The following ERBIN variants were observed in gnomAD, a reference collection of about 807,000 sequenced individuals.
ERBIN encodes densin-180-like protein.
A neutral mutation model predicts 158.4 loss-of-function variants in ERBIN; 60 were observed. The observed-to-expected ratio is 0.38, with a 90% CI of 0.31 to 0.47. ERBIN has a LOEUF of 0.47. ERBIN is among the 20% of genes least tolerant of loss of function. The probability of loss-of-function intolerance (pLI) is 0.99; values close to 1 mark genes in which losing one functional copy is unlikely to be tolerated. For synonymous variants in ERBIN, 594 were observed against 557.2 expected, an observed-to-expected ratio of 1.07 and a Z score of -0.93; for missense variants, 1,610 against 1,648.0, an observed-to-expected ratio of 0.98 and a Z score of 0.40.
chr5:65,970,474 A>G (rs368156897), intron 1 of ERBIN, among the ~76,000 whole-genome samples: 2 of 152,026 alleles, frequency 1.3e-5, no homozygotes, highest in East Asian at 1.9e-4. Flanking sequence ...ACTAACTACT[A>G]TTTTTCTGTA....
At chr5:65,945,505 T>C (rs1215625346) in intron 1 of ERBIN, among the ~76,000 whole-genome samples, 1 of 152,226 alleles carries the variant, frequency 6.6e-6, no homozygotes, top group Non-Finnish European at 1.5e-5. Context: ...TTTATGGTGC[T>C]GGTAATTTGT....
intron 1 of ERBIN, among the ~76,000 whole-genome samples, chr5:65,935,572 T>G (rs2150853558): frequency 6.6e-6 from 1 of 152,332 alleles, no homozygotes; most frequent in South Asian, 2.1e-4. Context: ...TACATTTATG[T>G]GAAATATTTC....
intron 21 of ERBIN, among the ~76,000 whole-genome samples, chr5:66,067,087 ATTTC>A (rs1455983309): frequency 2.0e-5 from 3 of 152,120 alleles, no homozygotes; most frequent in East Asian, 1.9e-4. Context: ...TGTATGAATG[ATTTC>A]TTTGTTTTTT....
At chr5:66,077,793 CA>C (rs35031081) in intron 25 of ERBIN, among the ~76,000 whole-genome samples, 31 of 124,458 alleles carry the variant, frequency 2.5e-4, no homozygotes, top group African/African-American at 1.1e-3. Flanking sequence ...CACACACACA[CA>C]TACACACACA....
intron 4 of ERBIN, among the ~76,000 whole-genome samples, chr5:66,008,748 T>A (rs560389001): frequency 6.6e-6 from 1 of 152,344 alleles, no homozygotes; most frequent in East Asian, 1.9e-4. Context: ...TTAGCTAAAT[T>A]TTAAAATGAA....
At chr5:65,956,371 G>A (rs865875987) in intron 1 of ERBIN, among the ~76,000 whole-genome samples, 1 of 139,912 alleles carries the variant, frequency 7.1e-6, no homozygotes, top group Admixed American at 7.3e-5. Flanking sequence ...TCTTTCAGGT[G>A]ATTTTTTTTT....
rs1759374647 is a variant in ERBIN at position 66,054,390 on chromosome 5, T to G, written c.3072T>G (p.His1024Gln). ...CAGAAAATCAAAGTTATGCTAAACA[T>G]TCTGCCAATATGAATTTCTCTAATC... is the stretch of plus-strand genomic sequence containing the variant. Reference protein sequence around the residue: ...ESTENQSYAKHSANMNFSNHN... With the variant: ...ESTENQSYAKQSANMNFSNHN... The change falls in exon 21 of 26, where the codon CAT becomes CAG. Residue 1024 changes from histidine (H) to glutamine (Q), a missense_variant. This residue lies in a region of ERBIN where 1,014 missense variants were observed against 936.1 expected (regional missense o/e 1.08). Coordinates refer to ENST00000284037, the MANE Select transcript of ERBIN (RefSeq NM_001253697.2). 6.2e-7 allele frequency: 1 copy of G among 1,614,070 alleles called. No homozygotes were observed.
chr5:66,061,443 A>G (rs1384474284), intron 21 of ERBIN, among the ~76,000 whole-genome samples: 3 of 152,042 alleles, frequency 2.0e-5, no homozygotes, highest in Non-Finnish European at 4.4e-5. Flanking sequence ...GTGTCCTTGC[A>G]TGTGAGATGG....
chr5:66,037,461 C>T (rs1344141165), intron 14 of ERBIN, among the ~76,000 whole-genome samples: 1 of 152,076 alleles, frequency 6.6e-6, no homozygotes, highest in East Asian at 1.9e-4. Context: ...GAAGCACTGT[C>T]TTTGGGAAGG....
intron 21 of ERBIN, among the ~76,000 whole-genome samples, chr5:66,058,854 G>A (rs1275443212): frequency 1.3e-4 from 20 of 150,698 alleles, no homozygotes; most frequent in Non-Finnish European, 2.4e-4. Flanking sequence ...GTAGATATGC[G>A]GCATTATTTC....
intron 4 of ERBIN, among the ~76,000 whole-genome samples, chr5:66,008,256 C>T (rs2151093723): frequency 6.6e-6 from 1 of 151,948 alleles, no homozygotes; most frequent in South Asian, 2.1e-4. Flanking sequence ...ATATAAAACC[C>T]CTAATATAAA....
rs1759322688 is a variant in ERBIN, at chr5:66,054,007, A to G, written c.2689A>G (p.Thr897Ala). The G allele has an allele frequency of 1.9e-6, 3 of 1,614,184 alleles. No homozygotes were observed. The highest frequency in any genetic ancestry group is 2.5e-6 in the Non-Finnish European group (3 of 1,180,024). Reference sequence around the variant, plus strand: ...TGATAATGGACCTCAGCAGCCAAGTACAACCGTTAAAATCACATCTGCTGT... The same window carrying G: ...TGATAATGGACCTCAGCAGCCAAGTGCAACCGTTAAAATCACATCTGCTGT... ...LSDNGPQQPS[T>A]TVKITSAVDG... The change falls in exon 21 of 26, where the codon ACA becomes GCA. Residue 897 changes from threonine to alanine, a missense_variant. By Grantham distance (58) the Thr-to-Ala change is moderately conservative. Coordinates refer to ENST00000284037, the MANE Select transcript of ERBIN (RefSeq NM_001253697.2).
rs1194387828 is a variant in ERBIN at position 66,054,054 on chromosome 5, G to A, written c.2736G>A (p.Arg912=). ...CTGTTGATGGAAAAAATATAGTCAG[G>A]AGCAAGTCTGCCACACTGTTGTATG... The part of the protein sequence containing the change: ...TSAVDGKNIV[R]SKSATLLYDQ... The change falls in exon 21 of 26, where the codon AGG becomes AGA. Residue 912 remains arginine, a synonymous_variant. Coordinates refer to ENST00000284037, the MANE Select transcript of ERBIN (RefSeq NM_001253697.2). 7 of 1,613,948 alleles carry A rather than the reference G, an allele frequency of 4.3e-6. No homozygotes were observed. Among genetic ancestry groups the A allele is most frequent in the Non-Finnish European group, 5.9e-6 (7 of 1,180,028 alleles).
intron 7 of ERBIN, among the ~76,000 whole-genome samples, chr5:66,020,857 C>G (rs1299483040): frequency 6.6e-6 from 1 of 151,876 alleles, no homozygotes; most frequent in Non-Finnish European, 1.5e-5. Flanking sequence ...GGGAGTAATA[C>G]AACGTACTGT....
At chr5:66,035,500 A>G (rs1416735930) in intron 14 of ERBIN, among the ~76,000 whole-genome samples, 3 of 152,050 alleles carry the variant, frequency 2.0e-5, no homozygotes, top group Non-Finnish European at 4.4e-5. Context: ...GTGTTTGTGT[A>G]TTTTGCTTTA....
intron 1 of ERBIN, among the ~76,000 whole-genome samples, chr5:65,965,379 G>GTTTTTTTTTTTTTTTTTTTTTTTT (rs1561304820): frequency 1.9e-5 from 2 of 103,650 alleles, no homozygotes; most frequent in Admixed American, 1.2e-4. Flanking sequence ...TTTGTTTTTT[G>GTTTTTTTTTTTTTTTTTTTTTTTT]TTGTTTTTTT....
intron 15 of ERBIN, among the ~76,000 whole-genome samples, chr5:66,039,979 A>G (rs1201299218): frequency 6.6e-6 from 1 of 151,954 alleles, no homozygotes. Flanking sequence ...GCAGAGAGCA[A>G]GAAATAGTTA....
chr5:66,025,543 C>T lies in ERBIN; in HGVS notation c.881C>T (p.Ser294Phe), dbSNP rs769168464. 1.2e-6 allele frequency: 2 copies of T among 1,611,342 alleles called. No homozygotes were observed. ...AACCAGTTAATGTATCTGCCAGACT[C>T]TATAGGAGGGTAAGTTTTTTGTGAA... ...DENQLMYLPD[S>F]IGGLISVEEL... The change falls in exon 11 of 26, where the codon TCT (serine) becomes TTT (phenylalanine). Residue 294 changes from serine to phenylalanine, a missense_variant. By Grantham distance (155) the Ser-to-Phe change is radical. This residue lies in a region of ERBIN where 596 missense variants were observed against 711.9 expected (regional missense o/e 0.84). Coordinates refer to ENST00000284037, the MANE Select transcript of ERBIN (RefSeq NM_001253697.2).
rs1033908578 is a variant in ERBIN, at chr5:65,942,851, C to T, written c.-58+16045C>T. On this transcript the variant is annotated intron_variant, in intron 1 of 25. Coordinates refer to ENST00000284037, the MANE Select transcript of ERBIN (RefSeq NM_001253697.2). Reference sequence around the variant, plus strand: ...TGAACTCAGGAGGCGGAGGCTGTGGCGAGCTGAGGTCACGCCAGTGCACTC... The same window carrying T: ...TGAACTCAGGAGGCGGAGGCTGTGGTGAGCTGAGGTCACGCCAGTGCACTC... Among the ~76,000 whole-genome samples the T allele has an allele frequency of 3.3e-5, 5 of 149,432 alleles. No individual in the cohort carries two copies. In the East Asian group the frequency reaches 5.9e-4, roughly 18 times the overall value.
Sources: allele counts gnomAD v4.1 joint callset (sites outside exome capture counted in the v4.1 genomes callset), GRCh38; gene constraint gnomAD v4.1.1; regional missense constraint gnomAD v4.1.1; transcripts MANE v1.5; gene names NCBI Gene and HGNC (gene_info 2026-07-23, HGNC 2026-07-21).